POFUT1: variants seen among roughly 807,000 people sequenced by gnomAD.
POFUT1 encodes the protein GDP-fucose protein O-fucosyltransferase 1.
POFUT1 carries 16 observed loss-of-function variants against 42.4 expected under a neutral mutation model. The ratio of observed to expected loss-of-function variants is 0.38; its 90% CI spans 0.26 to 0.57. POFUT1 has a LOEUF of 0.57. Ranked by LOEUF, POFUT1 falls within the 20% of genes least tolerant of loss-of-function variation. The probability of loss-of-function intolerance (pLI) is 0.71; values close to 1 mark genes in which losing one functional copy is unlikely to be tolerated. For synonymous variants in POFUT1, 206 were observed against 205.4 expected (o/e 1.00, Z -0.03); for missense variants, 470 against 504.6 (o/e 0.93, Z 0.66).
intron 2 of POFUT1, among the ~76,000 whole-genome samples, chr20:32,214,386 A>C (rs1272708764): frequency 1.3e-5 from 2 of 152,088 alleles, no homozygotes; most frequent in African/African-American, 4.8e-5. Flanking sequence ...CGGCCTCCCA[A>C]AGTGCTGAGA....
At chr20:32,214,476 G>A (rs34464095) in intron 2 of POFUT1, among the ~76,000 whole-genome samples, 3 of 152,128 alleles carry the variant, frequency 2.0e-5, no homozygotes, top group Non-Finnish European at 4.4e-5. Flanking sequence ...ATCCCAAACT[G>A]GTTGCTCCAA....
chr20:32,215,271 C>T lies in POFUT1; in HGVS notation c.249C>T (p.Leu83=). The T allele has an allele frequency of 1.9e-6, 3 of 1,608,382 alleles. No individual in the cohort carries two copies. Among genetic ancestry groups the T allele is most frequent in the Non-Finnish European group, 2.6e-6 (3 of 1,175,254 alleles). ...CTCTGCTCCTCCTTTTCCTGTAGCT[C>T]CATGTGTCCTACCAGAAGTACTTCA... The part of the protein sequence containing the change: ...YQHHKPPFTN[L]HVSYQKYFKL... Residue 83 remains leucine (L), a splice_region_variant and synonymous_variant, in exon 3 of 7, where the codon CTC becomes CTT. Transcript: ENST00000375749.
intron 1 of POFUT1, 146 bp from the exon 2 acceptor site, chr20:32,209,925 C>T: frequency 1.2e-6 from 1 of 805,994 alleles, no homozygotes; most frequent in Admixed American, 2.3e-5. Flanking sequence ...CCCAAGAGTC[C>T]AGACTTGTTC....
At chr20:32,208,167 A>G (rs974012058) in intron 1 of POFUT1, 102 bp downstream of exon 1, 88 of 1,204,888 alleles carry the variant, frequency 7.3e-5, no homozygotes, top group Non-Finnish European at 1.0e-4. Flanking sequence ...GGTCCAGGAG[A>G]GAACCTCAGA....
chr20:32,208,631 T>C (rs2047307935), intron 1 of POFUT1, among the ~76,000 whole-genome samples: 2 of 108,352 alleles, frequency 1.8e-5, no homozygotes, highest in Admixed American at 1.3e-4. Flanking sequence ...CTAGGCAACA[T>C]AGTGAAAATC....
rs558024403 is a variant in POFUT1, at chr20:32,216,985, TGA to T, written c.542+266_542+267del. On this transcript the variant is annotated intron_variant, in intron 4 of 6. Coordinates refer to ENST00000375749, the MANE Select transcript of POFUT1 (RefSeq NM_015352.2). ...ATAAAAAGAACATTCTGCAGTCGCA[TGA>T]GTCTCAATTTCCTCCTCTAGGCGTG... The T allele has an allele frequency of 2.5e-6, 4 of 1,612,380 alleles. No individual in the cohort carries two copies. In the African/African-American group the frequency reaches 5.3e-5, roughly 22 times the overall value.
chr20:32,222,026 A>G (rs1312838874), intron 4 of POFUT1, among the ~76,000 whole-genome samples: 1 of 152,080 alleles, frequency 6.6e-6, no homozygotes, highest in South Asian at 2.1e-4. Context: ...AGCTGGGTAG[A>G]GTGGCTCACA....
intron 2 of POFUT1, among the ~76,000 whole-genome samples, chr20:32,215,037 G>C (rs539453514): frequency 6.6e-6 from 1 of 152,182 alleles, no homozygotes; most frequent in Non-Finnish European, 1.5e-5. Flanking sequence ...ACAGGTGCTC[G>C]CTACCACCCC....
At chr20:32,219,508 GTTTTTTT>G (rs11478934) in intron 4 of POFUT1, among the ~76,000 whole-genome samples, 1 of 112,358 alleles carries the variant, frequency 8.9e-6, no homozygotes. Context: ...ATAACAACAA[GTTTTTTT>G]TTTTTTTTTT....
chr20:32,225,355 T>C (rs1301468932), intron 4 of POFUT1, among the ~76,000 whole-genome samples: 1 of 151,618 alleles, frequency 6.6e-6, no homozygotes, highest in Non-Finnish European at 1.5e-5. Flanking sequence ...GTGTGGCTAA[T>C]TTTTTGTATT....
In POFUT1 at chr20:32,238,152, C is replaced by T. The variant is rs559457882; in HGVS notation, c.*3491C>T. 60 of 244,860 alleles carry T rather than the reference C, an allele frequency of 2.5e-4. No homozygotes were observed. The highest frequency in any genetic ancestry group is 1.1e-3 in the African/African-American group (50 of 44,688). The allele number at this position is 244,860 out of a possible 1,614,324, so 15.2% of individuals were successfully genotyped here. The stretch of plus-strand genomic sequence containing the variant: ...TCATGCCTGTAATCCCAGCACTTTG[C>T]GAGGCCGAGGTGGGCAGATCACTTG... On this transcript the variant is annotated 3_prime_UTR_variant, in exon 7 of 7. Coordinates refer to ENST00000375749, the MANE Select transcript of POFUT1 (RefSeq NM_015352.2).
rs768189746 is a variant in POFUT1, at chr20:32,216,690, A to G, written c.511A>G (p.Ser171Gly). The G allele has an allele frequency of 6.2e-7, 1 of 1,613,140 alleles. No homozygotes were observed. The highest frequency in any genetic ancestry group is 8.5e-7 in the Non-Finnish European group (1 of 1,179,084). Residue 171 changes from serine to glycine, a missense_variant, in exon 4 of 7, where the codon AGT (serine) becomes GGT (glycine). Ser to Gly is a moderately conservative substitution (Grantham distance 56). Coordinates refer to ENST00000375749, the MANE Select transcript of POFUT1 (RefSeq NM_015352.2). ...KSELFTGISF[S>G]ASYREQWSQR... ...GGAGCTTTTTACAGGCATTTCCTTCAGTGCTTCCTACAGAGAACAATGGAG... is the reference window on the plus strand; with the variant it reads ...GGAGCTTTTTACAGGCATTTCCTTCGGTGCTTCCTACAGAGAACAATGGAG...
rs1273518511 is a variant in POFUT1, at chr20:32,207,898, C to T, written c.-44C>T. 3.2e-6 allele frequency: 5 copies of T among 1,544,544 alleles called. No individual in the cohort carries two copies. The African/African-American group carries it at 5.5e-5, about 17-fold the overall frequency. ...GGCGGGCGCTCGCGTCCCTCCTTCC[C>T]TCCCCGACTGTGCGCCGCGGCTGGC... On this transcript the variant is annotated 5_prime_UTR_variant, in exon 1 of 7. Coordinates refer to ENST00000375749, the MANE Select transcript of POFUT1 (RefSeq NM_015352.2).
chr20:32,230,936 C>T lies in POFUT1; in HGVS notation c.853C>T (p.Pro285Ser), dbSNP rs2047440419. 1 of 1,614,198 alleles carries T rather than the reference C, an allele frequency of 6.2e-7. No individual in the cohort carries two copies. The highest frequency in any genetic ancestry group is 8.5e-7 in the Non-Finnish European group (1 of 1,180,018). Residue 285 changes from proline (P) to serine (S), a missense_variant, in exon 6 of 7, where the codon CCT becomes TCT. Coordinates refer to ENST00000375749, the MANE Select transcript of POFUT1 (RefSeq NM_015352.2). Reference protein sequence around the residue: ...AAPLTMTMCLPDLKEIQRAVK... With the variant: ...AAPLTMTMCLSDLKEIQRAVK... ...CCCCCTCACGATGACTATGTGCCTG[C>T]CTGACCTGAAGGAGATCCAGAGGGC...
chr20:32,225,408 C>T (rs8122133), intron 4 of POFUT1, among the ~76,000 whole-genome samples: 8,708 of 152,032 alleles, frequency 0.057, 892 homozygotes, highest in African/African-American at 0.2. Flanking sequence ...AGGATGGTCT[C>T]GATCTCCCGA....
intron 2 of POFUT1, among the ~76,000 whole-genome samples, 189 bp from the exon 3 acceptor site, chr20:32,215,080 G>A (rs1206001341): frequency 6.6e-6 from 1 of 152,118 alleles, no homozygotes; most frequent in Admixed American, 6.5e-5. Flanking sequence ...GTAAAGACAG[G>A]GTTTCACCAT....
intron 4 of POFUT1, chr20:32,223,110 T>G: frequency 6.1e-6 from 6 of 985,438 alleles, no homozygotes; most frequent in Non-Finnish European, 6.0e-6. Context: ...AGTCCTAGTT[T>G]GTTGGAGAAT....
chr20:32,208,618 A>G (rs1156517083), intron 1 of POFUT1, among the ~76,000 whole-genome samples: 2 of 144,504 alleles, frequency 1.4e-5, no homozygotes, highest in African/African-American at 5.3e-5. Flanking sequence ...GCTCGAGATC[A>G]GCCTAGGCAA....
intron 2 of POFUT1, among the ~76,000 whole-genome samples, chr20:32,212,907 G>A (rs1453887321): frequency 6.7e-6 from 1 of 149,386 alleles, no homozygotes; most frequent in Non-Finnish European, 1.5e-5. Context: ...TTTCCAAGAC[G>A]GAGTTTTGCT....
Sources: gnomAD v4.1 joint callset for allele counts (sites outside exome capture counted in the v4.1 genomes callset) on GRCh38, gnomAD v4.1.1 for gene constraint, MANE v1.5 for transcripts, NCBI Gene and HGNC (gene_info 2026-07-23, HGNC 2026-07-21) for gene names.